The following PRR16 variants were observed in gnomAD, a reference collection of about 807,000 sequenced individuals.
PRR16 encodes the protein protein Largen.
PRR16 carries 6 observed loss-of-function variants against 18.2 expected under a neutral mutation model. The observed-to-expected ratio is 0.33, with a 90% confidence interval of 0.18 to 0.65. PRR16 has a LOEUF of 0.65. Ranked by LOEUF, PRR16 falls within the 30% of genes least tolerant of loss-of-function variation. The pLI is 0.74. For missense variants in PRR16, 412 were observed against 376.6 expected, an observed-to-expected ratio of 1.09 and a Z score of -0.78; for synonymous variants, 151 against 147.8, an observed-to-expected ratio of 1.02 and a Z score of -0.16.
At chr5:120,749,931 G>T in the PRR16 span, among the ~76,000 whole-genome samples, 2 of 152,044 alleles carry the variant, frequency 1.3e-5, no homozygotes, top group Non-Finnish European at 2.9e-5. Context: ...GTTTAGAAAA[G>T]ATCATGTAAC....
the PRR16 span, among the ~76,000 whole-genome samples, chr5:120,721,503 A>G: frequency 6.6e-6 from 1 of 152,074 alleles, no homozygotes; most frequent in Non-Finnish European, 1.5e-5. Context: ...AAGCGATGCA[A>G]TTATATGCAT....
chr5:120,665,600 G>T (rs1029484947), intron 1 of PRR16, among the ~76,000 whole-genome samples: 3 of 151,934 alleles, frequency 2.0e-5, no homozygotes, highest in Admixed American at 6.6e-5. Context: ...GGTCTAACAT[G>T]TAAGTCTTTA....
intron 1 of PRR16, among the ~76,000 whole-genome samples, chr5:120,625,300 G>T (rs904139141): frequency 1.3e-5 from 2 of 152,032 alleles, no homozygotes; most frequent in Admixed American, 6.6e-5. Context: ...ATGACTGTGC[G>T]GTAGTGGTCA....
At chr5:120,633,035 A>G (rs576778085) in intron 1 of PRR16, among the ~76,000 whole-genome samples, 1 of 152,326 alleles carries the variant, frequency 6.6e-6, no homozygotes, top group Admixed American at 6.5e-5. Flanking sequence ...CAGATTTTTC[A>G]GCAGAAACCA....
the PRR16 span, among the ~76,000 whole-genome samples, chr5:120,740,012 T>G: frequency 6.6e-6 from 1 of 152,314 alleles, no homozygotes; most frequent in East Asian, 1.9e-4. Context: ...ATGGTTATAT[T>G]ATAACCTCTA....
At chr5:120,486,953 T>C (rs1272846305) in intron 1 of PRR16, among the ~76,000 whole-genome samples, 3 of 152,324 alleles carry the variant, frequency 2.0e-5, no homozygotes, top group East Asian at 1.9e-4. Context: ...GATCAGATAG[T>C]TGTAGATATG....
intron 1 of PRR16, among the ~76,000 whole-genome samples, chr5:120,486,870 G>A (rs1391904501): frequency 6.6e-6 from 1 of 152,158 alleles, no homozygotes; most frequent in Non-Finnish European, 1.5e-5. Context: ...CATATGGCTA[G>A]CCAGTTTTCC....
At chr5:120,574,056 C>T (rs1037572) in intron 1 of PRR16, among the ~76,000 whole-genome samples, 25,387 of 151,712 alleles carry the variant, frequency 0.17, 3,067 homozygotes, top group East Asian at 0.61. Flanking sequence ...CAAAAAAATA[C>T]AGAAGCTCTA....
At chr5:120,546,678 T>C (rs1752084076) in intron 1 of PRR16, among the ~76,000 whole-genome samples, 1 of 152,088 alleles carries the variant, frequency 6.6e-6, no homozygotes, top group South Asian at 2.1e-4. Flanking sequence ...GATTTTTTTT[T>C]CAGTTCTTAG....
chr5:120,464,356 G>T lies in PRR16; in HGVS notation c.-131G>T. The stretch of plus-strand genomic sequence containing the variant: ...GGCCGAGCGCGGAGCGCAGCCACTC[G>T]CCGCTGCCCAGGGAGCGCCCAAGAT... On this transcript the variant is annotated 5_prime_UTR_variant, in exon 1 of 2. Transcript: ENST00000407149. 1 of 1,026,966 alleles carries T rather than the reference G, an allele frequency of 9.7e-7. No individual in the cohort carries two copies. Among genetic ancestry groups the T allele is most frequent in the South Asian group, 2.3e-5 (1 of 43,044 alleles). 63.6% of individuals were successfully genotyped at this position (1,026,966 alleles called of 1,614,324 possible). A position where few individuals can be genotyped will look rare whatever the true frequency, so the allele number is the denominator to read the frequency against.
At chr5:120,760,610 G>T in the PRR16 span, among the ~76,000 whole-genome samples, 3 of 152,086 alleles carry the variant, frequency 2.0e-5, no homozygotes, top group Non-Finnish European at 4.4e-5. Flanking sequence ...GCCAAAGCAT[G>T]TTGCTTAATT....
chr5:120,501,986 A>T (rs1394529141), intron 1 of PRR16, among the ~76,000 whole-genome samples: 8 of 150,294 alleles, frequency 5.3e-5, no homozygotes, highest in Non-Finnish European at 1.2e-4. Flanking sequence ...AAAAAAAGAA[A>T]GAAATAGCTA....
At chr5:120,771,680 C>T in the PRR16 span, among the ~76,000 whole-genome samples, 2 of 152,024 alleles carry the variant, frequency 1.3e-5, no homozygotes, top group Non-Finnish European at 2.9e-5. Context: ...GCAGCAATCA[C>T]CAGCTCTCAA....
chr5:120,760,856 C>A, the PRR16 span, among the ~76,000 whole-genome samples: 2 of 152,016 alleles, frequency 1.3e-5, no homozygotes, highest in African/African-American at 4.8e-5. Flanking sequence ...CAATGAAAAC[C>A]TGATGGATAG....
the PRR16 span, among the ~76,000 whole-genome samples, chr5:120,706,668 T>C: frequency 4.5e-4 from 68 of 152,352 alleles, no homozygotes; most frequent in Non-Finnish European, 1.9e-4. Context: ...GTATTTTACA[T>C]ATGCTACTTT....
At chr5:120,685,524 T>C (rs1442286018) in intron 1 of PRR16, among the ~76,000 whole-genome samples, 1 of 152,320 alleles carries the variant, frequency 6.6e-6, no homozygotes, top group East Asian at 1.9e-4. Flanking sequence ...TCTCTGTTGG[T>C]CTCAAGAAAA....
chr5:120,490,772 A>G (rs748977099), intron 1 of PRR16, among the ~76,000 whole-genome samples: 6 of 151,706 alleles, frequency 4.0e-5, no homozygotes, highest in African/African-American at 1.5e-4. Flanking sequence ...TTTTTTCCCC[A>G]TCTTTGTGCT....
intron 1 of PRR16, among the ~76,000 whole-genome samples, chr5:120,674,848 A>G (rs1263606883): frequency 2.0e-5 from 3 of 151,594 alleles, no homozygotes; most frequent in Non-Finnish European, 4.4e-5. Context: ...ATATTTAATA[A>G]TATTTCTAAG....
At chr5:120,503,564 T>C (rs574649008) in intron 1 of PRR16, among the ~76,000 whole-genome samples, 3 of 152,280 alleles carry the variant, frequency 2.0e-5, no homozygotes, top group Admixed American at 6.5e-5. Flanking sequence ...CTGAGAACAT[T>C]TGTTATCACT....
Sources: allele counts gnomAD v4.1 joint callset (sites outside exome capture counted in the v4.1 genomes callset), GRCh38; gene constraint gnomAD v4.1.1; transcripts MANE v1.5; gene names NCBI Gene and HGNC (gene_info 2026-07-23, HGNC 2026-07-21).